OR10G3: variants seen among roughly 807,000 people sequenced by gnomAD.
OR10G3 encodes the protein olfactory receptor 10G3.
In OR10G3, 8 loss-of-function variants were observed where a neutral mutation model predicts 13.4. The ratio of observed to expected loss-of-function variants is 0.60; its 90% CI spans 0.35 to 1.08. OR10G3 has a LOEUF of 1.08. OR10G3 is among the 50% of genes least tolerant of loss of function. The pLI is 0.02. For missense variants in OR10G3, 393 were observed against 386.6 expected (o/e 1.02, Z -0.14); for synonymous variants, 142 against 156.1 (o/e 0.91, Z 0.67).
chr14:21,569,081 A>G lies in OR10G3; in HGVS notation c.*722T>C, dbSNP rs1232559937. 1.3e-5 allele frequency: 2 copies of G among 151,794 alleles called. No individual in the cohort carries two copies. The highest frequency in any genetic ancestry group is 4.8e-5 in the African/African-American group (2 of 41,302). The allele number at this position is 151,794 out of a possible 1,614,324, so 9.4% of individuals were successfully genotyped here. On this transcript the variant is annotated 3_prime_UTR_variant, in exon 2 of 2. Coordinates refer to ENST00000641040, the MANE Select transcript of OR10G3 (RefSeq NM_001005465.2). ...ATATATAAAGGGGAGTTTATTAAGT[A>G]TTCACTCACATGGTCACAAGGTCCC... is the stretch of plus-strand genomic sequence containing the variant.
intron 1 of OR10G3, among the ~76,000 whole-genome samples, chr14:21,578,228 T>C (rs1204781834): frequency 1.3e-5 from 2 of 151,830 alleles, no homozygotes; most frequent in Non-Finnish European, 2.9e-5. Flanking sequence ...GTGGCCAACA[T>C]GGTGAAACCT....
rs587769086 is a variant in OR10G3, at chr14:21,574,302, CA to C, written c.-17-3542del. Among the ~76,000 whole-genome samples the C allele has an allele frequency of 4.7e-3, 450 of 96,658 alleles. 2 individuals are homozygous for C. The highest frequency in any genetic ancestry group is 5.4e-3 in the Middle Eastern group (1 of 184). The allele number at this position is 96,658 out of a possible 152,430, so 63.4% of individuals were successfully genotyped here. On this transcript the variant is annotated intron_variant, in intron 1 of 1. Transcript: ENST00000641040. The stretch of plus-strand genomic sequence containing the variant: ...TGGGCCACAGAGCAAGACTCCATCT[CA>C]AAAAAAAAAAAAAAAAAAAAAGAAA...
At chr14:21,577,652 T>C (rs555096669) in intron 1 of OR10G3, among the ~76,000 whole-genome samples, 10 of 152,340 alleles carry the variant, frequency 6.6e-5, no homozygotes, top group Middle Eastern at 3.4e-3. Context: ...TTAGTTACAA[T>C]GAATTCATGA....
chr14:21,577,303 A>C (rs1346920911), intron 1 of OR10G3, among the ~76,000 whole-genome samples: 1 of 152,168 alleles, frequency 6.6e-6, no homozygotes, highest in Non-Finnish European at 1.5e-5. Flanking sequence ...CAGAGTGATA[A>C]AAAGTCATAG....
At chr14:21,579,471 C>T (rs534995163) in intron 1 of OR10G3, among the ~76,000 whole-genome samples, 1 of 152,254 alleles carries the variant, frequency 6.6e-6, no homozygotes, top group South Asian at 2.1e-4. Context: ...TCTTGAACTC[C>T]TGACCTCAGG....
At chr14:21,578,842 T>C (rs1330451263) in intron 1 of OR10G3, among the ~76,000 whole-genome samples, 3 of 152,074 alleles carry the variant, frequency 2.0e-5, no homozygotes, top group African/African-American at 4.8e-5. Context: ...GGAACAAATA[T>C]ATACATATAT....
Position 21,570,572 on chromosome 14 carries a change from CG to C in OR10G3, c.172del (p.Arg58AlafsTer15). ...TVWADPRLHA[R>X]PMYIFLGVLS... ...AACACCAAGAAAGATGTACATGGGG[CG>C]GGCATGGAGCCTTGGGTCTGCCCAG... On this transcript the variant is annotated frameshift_variant, in exon 2 of 2. Transcript: ENST00000641040. LOFTEE classifies it high-confidence loss of function. The C allele has an allele frequency of 6.2e-7, 1 of 1,614,040 alleles. No homozygotes were observed. The highest frequency in any genetic ancestry group is 1.1e-5 in the South Asian group (1 of 91,074).
At position 21,568,902 on chromosome 14, in the gene OR10G3, C is replaced by G. The variant is rs534828861; in HGVS notation, c.*901G>C. On this transcript the variant is annotated 3_prime_UTR_variant, in exon 2 of 2. Transcript: ENST00000641040. ...AATTTTTTTGTATTTTTAGTAGAGA[C>G]GGGGTTTCACCGTGGTCTCGATCTC... is the stretch of plus-strand genomic sequence containing the variant. The G allele has an allele frequency of 1.8e-4, 28 of 151,382 alleles. No individual in the cohort carries two copies. Among genetic ancestry groups the G allele is most frequent in the African/African-American group, 6.5e-4 (27 of 41,250 alleles). 9.4% of individuals were successfully genotyped at this position (151,382 alleles called of 1,614,324 possible). A position where few individuals can be genotyped will look rare whatever the true frequency, so the allele number is the denominator to read the frequency against.
At chr14:21,571,855 G>A (rs1403428647) in intron 1 of OR10G3, among the ~76,000 whole-genome samples, 1 of 151,892 alleles carries the variant, frequency 6.6e-6, no homozygotes, top group Non-Finnish European at 1.5e-5. Context: ...TGTATTTTTA[G>A]TAGAGACGGG....
chr14:21,569,796 G>A lies in OR10G3; in HGVS notation c.*7C>T. On this transcript the variant is annotated 3_prime_UTR_variant, in exon 2 of 2. Transcript: ENST00000641040. ...GTGGCAGCTTCCCTAGTGGGAGAAA[G>A]ACACTTTCAAACCTCACTCGGAGTT... 1 of 1,608,802 alleles carries A rather than the reference G, an allele frequency of 6.2e-7. No individual in the cohort carries two copies.
chr14:21,574,374 G>A (rs930230628), intron 1 of OR10G3, among the ~76,000 whole-genome samples: 3 of 151,540 alleles, frequency 2.0e-5, no homozygotes, highest in African/African-American at 7.3e-5. Context: ...CCACTCAGAA[G>A]GAGGAGAGTA....
At chr14:21,579,298 G>C (rs926067529) in intron 1 of OR10G3, among the ~76,000 whole-genome samples, 1 of 152,110 alleles carries the variant, frequency 6.6e-6, no homozygotes, top group African/African-American at 2.4e-5. Context: ...AGGCTGGAAT[G>C]CAGTTGTGCC....
At chr14:21,579,390 G>A (rs962602425) in intron 1 of OR10G3, among the ~76,000 whole-genome samples, 7 of 152,136 alleles carry the variant, frequency 4.6e-5, no homozygotes, top group East Asian at 1.9e-4. Flanking sequence ...GATTACAGGC[G>A]TGTACCACCA....
chr14:21,577,870 C>T (rs1485986974), intron 1 of OR10G3, among the ~76,000 whole-genome samples: 3 of 152,046 alleles, frequency 2.0e-5, no homozygotes, highest in African/African-American at 7.2e-5. Context: ...GGTGTGGTGG[C>T]ACATGCCTGT....
intron 1 of OR10G3, among the ~76,000 whole-genome samples, chr14:21,574,068 C>A (rs1033126483): frequency 8.6e-5 from 13 of 151,940 alleles, no homozygotes; most frequent in Non-Finnish European, 1.5e-5. Flanking sequence ...CTTTGGGAGG[C>A]TGAGGCAGGC....
chr14:21,574,536 A>C (rs2139713134), intron 1 of OR10G3, among the ~76,000 whole-genome samples: 1 of 152,284 alleles, frequency 6.6e-6, no homozygotes, highest in South Asian at 2.1e-4. Context: ...TCGTAGACAG[A>C]TGGTCCTGCT....
intron 1 of OR10G3, among the ~76,000 whole-genome samples, chr14:21,571,489 A>G (rs1893068684): frequency 6.6e-6 from 1 of 152,182 alleles, no homozygotes; most frequent in South Asian, 2.1e-4. Context: ...TTTGCATGTG[A>G]TCATTTAGCC....
intron 1 of OR10G3, among the ~76,000 whole-genome samples, chr14:21,578,796 T>C (rs1451057020): frequency 6.6e-6 from 1 of 152,056 alleles, no homozygotes; most frequent in Non-Finnish European, 1.5e-5. Context: ...CAATAAGACA[T>C]ATAAAATGGA....
At chr14:21,574,417 T>G (rs564106246) in intron 1 of OR10G3, among the ~76,000 whole-genome samples, 5 of 152,190 alleles carry the variant, frequency 3.3e-5, no homozygotes, top group African/African-American at 1.2e-4. Context: ...AGCTTTCTGA[T>G]TAATGATTCT....
Sources: allele counts gnomAD v4.1 joint callset (sites outside exome capture counted in the v4.1 genomes callset), GRCh38; gene constraint gnomAD v4.1.1; transcripts MANE v1.5; gene names NCBI Gene and HGNC (gene_info 2026-07-23, HGNC 2026-07-21).